Variants in CLASP2 observed in about 807,000 individuals in gnomAD.
CLASP2 encodes the protein CLIP-associating protein 2.
A neutral mutation model predicts 194.4 loss-of-function variants in CLASP2; 47 were observed. That is an observed-to-expected ratio of 0.24 (90% CI 0.19 to 0.31). CLASP2 has a LOEUF of 0.31. CLASP2 is among the 10% of genes least tolerant of loss of function. The pLI is 1.00. For missense variants in CLASP2, 1,445 were observed against 1,823.6 expected, an observed-to-expected ratio of 0.79 and a Z score of 3.78; for synonymous variants, 619 against 633.5, an observed-to-expected ratio of 0.98 and a Z score of 0.34.
chr3:33,537,465 A>G (rs1478520895), intron 33 of CLASP2, among the ~76,000 whole-genome samples: 5 of 152,246 alleles, frequency 3.3e-5, no homozygotes, highest in Admixed American at 2.6e-4. Flanking sequence ...CTGAGAAACA[A>G]TGAATTCCAC....
At chr3:33,645,715 C>T (rs2082156426) in intron 7 of CLASP2, among the ~76,000 whole-genome samples, 1 of 152,170 alleles carries the variant, frequency 6.6e-6, no homozygotes, top group East Asian at 1.9e-4. Context: ...ATTCATTCTG[C>T]TGGGATGCTT....
intron 16 of CLASP2, 86 bp from the exon 17 acceptor site, chr3:33,604,295 G>T: frequency 1.1e-6 from 1 of 873,374 alleles, no homozygotes; most frequent in Non-Finnish European, 1.8e-6. Flanking sequence ...GAATTTTGTG[G>T]AAAGTTGAGA....
Position 33,522,811 on chromosome 3 carries a change from C to T in CLASP2, c.3788-5637G>A, listed in dbSNP as rs544902154. On this transcript the variant is annotated intron_variant, in intron 34 of 38. Transcript: ENST00000682230. Reference sequence around the variant, plus strand: ...AGTGGCCGGGCGCAGTGGCTCACGCCTGTAATCCCAGCACTTTGGGAGGCT... The same window carrying T: ...AGTGGCCGGGCGCAGTGGCTCACGCTTGTAATCCCAGCACTTTGGGAGGCT... Among the ~76,000 whole-genome samples the T allele has an allele frequency of 5.3e-5, 8 of 152,336 alleles. No individual in the cohort carries two copies. The South Asian group carries it at 1.2e-3, about 24-fold the overall frequency.
At chr3:33,707,528 G>C (rs983408332) in intron 1 of CLASP2, among the ~76,000 whole-genome samples, 2 of 152,088 alleles carry the variant, frequency 1.3e-5, no homozygotes, top group African/African-American at 4.8e-5. Flanking sequence ...AAACTCTAAT[G>C]AATTAACAGA....
chr3:33,675,866 C>T (rs1023063037), intron 6 of CLASP2, among the ~76,000 whole-genome samples: 1 of 148,608 alleles, frequency 6.7e-6, no homozygotes, highest in African/African-American at 2.5e-5. Context: ...CCTAGGAATC[C>T]ACCTTACAAG....
intron 29 of CLASP2, among the ~76,000 whole-genome samples, chr3:33,556,794 T>C (rs1445798837): frequency 2.0e-5 from 3 of 152,140 alleles, no homozygotes; most frequent in South Asian, 2.1e-4. Flanking sequence ...ATTAAATACA[T>C]ATTTATAAAT....
chr3:33,515,807 T>A (rs528268791), intron 36 of CLASP2, among the ~76,000 whole-genome samples: 5 of 152,154 alleles, frequency 3.3e-5, no homozygotes, highest in African/African-American at 9.6e-5. Context: ...TAAAATAAAT[T>A]ATTTCCTAGA....
chr3:33,599,901 T>C (rs149924447), intron 18 of CLASP2, among the ~76,000 whole-genome samples: 94 of 152,154 alleles, frequency 6.2e-4, no homozygotes, highest in African/African-American at 2.1e-3. Flanking sequence ...AAAAAAGTAG[T>C]GGCACTCTCC....
intron 22 of CLASP2, among the ~76,000 whole-genome samples, chr3:33,583,474 G>C (rs28566146): frequency 6.6e-6 from 1 of 152,054 alleles, no homozygotes; most frequent in Admixed American, 6.6e-5. Flanking sequence ...CAGTACACTA[G>C]GTGTCTTGGC....
chr3:33,593,986 G>T (rs1021573616), intron 20 of CLASP2, among the ~76,000 whole-genome samples: 2 of 152,078 alleles, frequency 1.3e-5, no homozygotes, highest in Admixed American at 6.6e-5. Context: ...TGGGACTATA[G>T]GACGGTGCCA....
intron 10 of CLASP2, among the ~76,000 whole-genome samples, chr3:33,624,126 TACAC>T (rs1445336121): frequency 6.6e-6 from 1 of 152,152 alleles, no homozygotes; most frequent in East Asian, 1.9e-4. Flanking sequence ...TAAAAAGAGA[TACAC>T]ACACGTGTAC....
rs747581183 is a variant in CLASP2 at position 33,632,386 on chromosome 3, G to A, written c.863-15C>T. ...CTTAGAAGCACCTGCTAATTAAAAG[G>A]AAATTAATTTCCTAAGGTTCATTTT... On this transcript the variant is annotated splice_polypyrimidine_tract_variant and intron_variant, in intron 8 of 38. Coordinates refer to ENST00000682230, the MANE Select transcript of CLASP2 (RefSeq NM_001365631.1). 3.8e-6 allele frequency: 6 copies of A among 1,559,376 alleles called. No homozygotes were observed. Among genetic ancestry groups the A allele is most frequent in the South Asian group, 1.2e-5 (1 of 82,520 alleles).
At chr3:33,685,763 T>C (rs964693201) in intron 5 of CLASP2, among the ~76,000 whole-genome samples, 33 of 147,796 alleles carry the variant, frequency 2.2e-4, no homozygotes, top group Non-Finnish European at 2.8e-4. Context: ...AACAGTCAAA[T>C]TCACAAAGAC....
At chr3:33,681,253 T>C (rs1328311102) in intron 6 of CLASP2, among the ~76,000 whole-genome samples, 1 of 152,130 alleles carries the variant, frequency 6.6e-6, no homozygotes, top group Non-Finnish European at 1.5e-5. Context: ...TAAAATGATG[T>C]AGAATTTACT....
At chr3:33,647,019 C>T (rs1322218793) in intron 7 of CLASP2, among the ~76,000 whole-genome samples, 1 of 152,090 alleles carries the variant, frequency 6.6e-6, no homozygotes, top group Admixed American at 6.5e-5. Context: ...ATTTTCATTG[C>T]TGATAGTTTT....
chr3:33,700,485 A>T (rs1575684423), intron 1 of CLASP2, among the ~76,000 whole-genome samples: 1 of 152,234 alleles, frequency 6.6e-6, no homozygotes, highest in East Asian at 1.9e-4. Flanking sequence ...AAACTAACTG[A>T]CACTCTAAAA....
intron 11 of CLASP2, among the ~76,000 whole-genome samples, chr3:33,621,142 C>T (rs551407470): frequency 6.6e-6 from 1 of 152,088 alleles, no homozygotes; most frequent in African/African-American, 2.4e-5. Context: ...GACTGCCTTG[C>T]TCTGCTTAGG....
At chr3:33,617,080 ATC>A (rs2076322072) in intron 12 of CLASP2, among the ~76,000 whole-genome samples, 1 of 150,834 alleles carries the variant, frequency 6.6e-6, no homozygotes, top group Non-Finnish European at 1.5e-5. Context: ...GTTGTCTACA[ATC>A]TTAAAAAAAA....
In CLASP2 at chr3:33,498,571, G is replaced by A. The variant is rs149984919; in HGVS notation, c.*60C>T. 2.7e-4 allele frequency: 279 copies of A among 1,036,620 alleles called. 1 individual carries two copies. The East Asian group carries it at 6.3e-3, about 23-fold the overall frequency. The allele number at this position is 1,036,620 out of a possible 1,614,324, so 64.2% of individuals were successfully genotyped here. A position where few individuals can be genotyped will look rare whatever the true frequency, so the allele number is the denominator to read the frequency against. On this transcript the variant is annotated 3_prime_UTR_variant, in exon 39 of 39. Transcript: ENST00000682230. Reference sequence around the variant, plus strand: ...ATGTGTTTGAGAACTTCCTTTCATTGATGAGGGTGGTCTATCTGTCCTTTC... The same window carrying A: ...ATGTGTTTGAGAACTTCCTTTCATTAATGAGGGTGGTCTATCTGTCCTTTC...
Sources: allele counts gnomAD v4.1 joint callset (sites outside exome capture counted in the v4.1 genomes callset), GRCh38; gene constraint gnomAD v4.1.1; transcripts MANE v1.5; gene names NCBI Gene and HGNC (gene_info 2026-07-23, HGNC 2026-07-21).